Variants in CDC42BPA observed in about 807,000 individuals in gnomAD.
The protein encoded by CDC42BPA is CDC42 binding protein kinase alpha, also known as serine/threonine-protein kinase MRCK alpha.
CDC42BPA carries 80 observed loss-of-function variants against 223.5 expected under a neutral mutation model. That is an observed-to-expected ratio of 0.36 (90% CI 0.30 to 0.43). The LOEUF is 0.43. CDC42BPA is among the 20% of genes least tolerant of loss of function. The probability of loss-of-function intolerance (pLI) is 1.00; values close to 1 mark genes in which losing one functional copy is unlikely to be tolerated. For synonymous variants in CDC42BPA, 694 were observed against 718.6 expected, an observed-to-expected ratio of 0.97 and a Z score of 0.55; for missense variants, 1,743 against 2,099.9, an observed-to-expected ratio of 0.83 and a Z score of 3.32.
chr1:227,283,950 G>A (rs1042456608), intron 1 of CDC42BPA, among the ~76,000 whole-genome samples: 5 of 152,090 alleles, frequency 3.3e-5, no homozygotes, highest in Non-Finnish European at 5.9e-5. Flanking sequence ...CCCAGCACTC[G>A]GGAGGCTGGG....
chr1:227,226,872 T>C (rs2147928050), intron 2 of CDC42BPA, among the ~76,000 whole-genome samples: 2 of 152,072 alleles, frequency 1.3e-5, no homozygotes, highest in Middle Eastern at 6.8e-3. Context: ...ATTCCTGAAA[T>C]CTAAGGATGA....
At chr1:227,240,996 C>T (rs1021005284) in intron 2 of CDC42BPA, among the ~76,000 whole-genome samples, 2 of 152,000 alleles carry the variant, frequency 1.3e-5, no homozygotes, top group African/African-American at 4.8e-5. Flanking sequence ...AGAACTCCTA[C>T]AGCTCAACAA....
At chr1:227,050,052 C>T (rs1202589919) in intron 22 of CDC42BPA, among the ~76,000 whole-genome samples, 3 of 151,832 alleles carry the variant, frequency 2.0e-5, no homozygotes, top group Admixed American at 2.0e-4. Flanking sequence ...AAAAAGACAC[C>T]ACAAATAAAA....
At chr1:227,170,903 T>C (rs893899222) in intron 5 of CDC42BPA, among the ~76,000 whole-genome samples, 1 of 152,334 alleles carries the variant, frequency 6.6e-6, no homozygotes, top group Admixed American at 6.5e-5. Context: ...CTGGAGAACA[T>C]AATGTGTTAC....
At chr1:227,212,445 T>C (rs1262999448) in intron 3 of CDC42BPA, among the ~76,000 whole-genome samples, 1 of 152,094 alleles carries the variant, frequency 6.6e-6, no homozygotes. Flanking sequence ...GACAGAATTC[T>C]ACACCAGTTA....
chr1:227,206,589 T>A (rs952411777), intron 3 of CDC42BPA, among the ~76,000 whole-genome samples: 2 of 152,202 alleles, frequency 1.3e-5, no homozygotes, highest in African/African-American at 4.8e-5. Context: ...CTGGTAGGTC[T>A]TGTTTTCCAA....
Position 226,994,814 on chromosome 1 carries a change from C to A in CDC42BPA, c.5133+9G>T. 1 of 1,603,728 alleles carries A rather than the reference C, an allele frequency of 6.2e-7. No individual in the cohort carries two copies. Among genetic ancestry groups the A allele is most frequent in the Non-Finnish European group, 8.5e-7 (1 of 1,174,180 alleles). The stretch of plus-strand genomic sequence containing the variant: ...GATACATGACGTCTCCGGAACCCTG[C>A]CCACTCACCTCTCCGTCAAAGTCCC... On this transcript the variant is annotated intron_variant, in intron 36 of 36. Transcript: ENST00000366766. The surrounding 1 kb of genome is among the most constrained non-coding windows in gnomAD (Gnocchi z 4.0).
intron 5 of CDC42BPA, chr1:227,183,168 G>A (rs1449298597): frequency 1.3e-5 from 2 of 152,100 alleles, no homozygotes; most frequent in Admixed American, 1.3e-4. Context: ...TGTCTCTCTG[G>A]AGAAGCCTAG....
At chr1:227,230,034 G>C (rs1456983810) in intron 2 of CDC42BPA, among the ~76,000 whole-genome samples, 1 of 152,172 alleles carries the variant, frequency 6.6e-6, no homozygotes, top group Non-Finnish European at 1.5e-5. Context: ...AAGGTGATAG[G>C]CCTTCAAGGA....
intron 3 of CDC42BPA, among the ~76,000 whole-genome samples, chr1:227,209,869 C>A (rs1673553598): frequency 6.6e-6 from 1 of 150,880 alleles, no homozygotes; most frequent in Non-Finnish European, 1.5e-5. Context: ...ATGCTGGCCT[C>A]ATAAAATGAG....
chr1:227,210,154 C>A (rs1283747434), intron 3 of CDC42BPA, among the ~76,000 whole-genome samples: 2 of 152,168 alleles, frequency 1.3e-5, no homozygotes, highest in Non-Finnish European at 2.9e-5. Context: ...CAAGTCTTTG[C>A]TATTGTGAAT....
intron 4 of CDC42BPA, among the ~76,000 whole-genome samples, chr1:227,197,401 T>G (rs958671664): frequency 1.3e-5 from 2 of 152,302 alleles, no homozygotes; most frequent in Non-Finnish European, 2.9e-5. Flanking sequence ...TTACAGGAGA[T>G]TTGACTACTA....
chr1:227,263,705 C>T (rs996449299), intron 1 of CDC42BPA, among the ~76,000 whole-genome samples: 8 of 151,824 alleles, frequency 5.3e-5, no homozygotes, highest in African/African-American at 1.2e-4. Flanking sequence ...CCTCAGGCTC[C>T]CAAGTAGCTG....
chr1:227,143,081 G>T, intron 8 of CDC42BPA, 57 bp from the exon 9 acceptor site: 2 of 1,109,632 alleles, frequency 1.8e-6, no homozygotes, highest in Non-Finnish European at 2.5e-6. Flanking sequence ...CTGTAGGCTT[G>T]GCTATAAATA....
chr1:227,181,296 A>G (rs933648160), intron 5 of CDC42BPA, among the ~76,000 whole-genome samples: 1 of 152,214 alleles, frequency 6.6e-6, no homozygotes, highest in Non-Finnish European at 1.5e-5. Context: ...TAAAAAGCAT[A>G]AAGATGGACA....
rs541941914 is a variant in CDC42BPA at position 227,119,985 on chromosome 1, T to A, written c.1514-48A>T. On this transcript the variant is annotated intron_variant, in intron 11 of 36. Transcript: ENST00000366766. ...CTTTTACTATTTGTATAAAAGCAAA[T>A]GATTGAACCTAAGGTAAAACAACTA... is the stretch of plus-strand genomic sequence containing the variant. 11 of 1,480,710 alleles carry A rather than the reference T, an allele frequency of 7.4e-6. No individual in the cohort carries two copies. The South Asian group carries it at 1.4e-4, about 19-fold the overall frequency. The allele number at this position is 1,480,710 out of a possible 1,614,324, so 91.7% of individuals were successfully genotyped here.
At chr1:227,191,543 T>C (rs538620799) in intron 5 of CDC42BPA, among the ~76,000 whole-genome samples, 2 of 152,272 alleles carry the variant, frequency 1.3e-5, no homozygotes, top group East Asian at 3.9e-4. Context: ...TGAAAGATAC[T>C]ACAAATACCT....
chr1:227,058,875 TAAA>T (rs59841633), intron 21 of CDC42BPA, among the ~76,000 whole-genome samples: 11 of 147,022 alleles, frequency 7.5e-5, no homozygotes, highest in African/African-American at 1.2e-4. Context: ...TGAACTACAT[TAAA>T]AAAAAAAAAA....
At chr1:227,153,732 A>G (rs1662216143) in intron 6 of CDC42BPA, among the ~76,000 whole-genome samples, 1 of 151,928 alleles carries the variant, frequency 6.6e-6, no homozygotes, top group East Asian at 1.9e-4. Flanking sequence ...AAAAATTTGA[A>G]TCAATAGTAC....
Sources: allele counts gnomAD v4.1 joint callset (sites outside exome capture counted in the v4.1 genomes callset), GRCh38; gene constraint gnomAD v4.1.1; non-coding constraint Gnocchi (gnomAD v3.1); transcripts MANE v1.5; gene names NCBI Gene and HGNC (gene_info 2026-07-23, HGNC 2026-07-21).